The following CEP192 variants were observed in gnomAD, a reference collection of about 807,000 sequenced individuals.
CEP192 encodes centrosomal protein of 192 kDa.
CEP192 carries 151 observed loss-of-function variants against 271.8 expected under a neutral mutation model. The observed-to-expected ratio is 0.56, with a 90% CI of 0.49 to 0.64. The LOEUF is 0.64. Among genes scored for constraint, CEP192 ranks in the 30% least tolerant of loss-of-function variants. The pLI, the probability that CEP192 is intolerant of heterozygous loss-of-function variation, is 0.00. For synonymous variants in CEP192, 995 were observed against 1,076.5 expected, an observed-to-expected ratio of 0.92 and a Z score of 1.48; for missense variants, 2,910 against 3,020.5, an observed-to-expected ratio of 0.96 and a Z score of 0.86.
intron 44 of CEP192, among the ~76,000 whole-genome samples, chr18:13,121,382 G>T (rs2040650764): frequency 6.6e-6 from 1 of 152,182 alleles, no homozygotes; most frequent in Non-Finnish European, 1.5e-5. Flanking sequence ...GCCTGGTGGG[G>T]CTGCTCTCCG....
At chr18:13,025,615 T>C (rs1476909031) in intron 9 of CEP192, among the ~76,000 whole-genome samples, 1 of 152,240 alleles carries the variant, frequency 6.6e-6, no homozygotes, top group Non-Finnish European at 1.5e-5. Context: ...TAGTGGTTGC[T>C]CTAGAGTTTG....
intron 37 of CEP192, 60 bp from the exon 38 acceptor site, chr18:13,100,245 T>C: frequency 1.7e-6 from 2 of 1,146,838 alleles, no homozygotes; most frequent in Non-Finnish European, 2.6e-6. Flanking sequence ...AAAAATGGAA[T>C]TGTTTCGTTT....
chr18:13,086,506 G>T (rs962964259), intron 30 of CEP192, among the ~76,000 whole-genome samples: 2 of 152,174 alleles, frequency 1.3e-5, no homozygotes, highest in East Asian at 3.9e-4. Context: ...ACCCTCCATG[G>T]GCTGCATCCA....
rs771754454 is a variant in CEP192 at position 13,059,140 on chromosome 18, A to G, written c.4316A>G (p.His1439Arg). 4.0e-5 allele frequency: 64 copies of G among 1,613,776 alleles called. No individual in the cohort carries two copies. Among genetic ancestry groups the G allele is most frequent in the Non-Finnish European group, 5.3e-5 (63 of 1,179,762 alleles). ...VFKNKAIIRP[H>R]ATEEIKVLFI... The stretch of plus-strand genomic sequence containing the variant: ...AAGAATAAAGCCATCATAAGACCTC[A>G]TGCCACAGAAGAGATAAAAGTGCTT... The change falls in exon 21 of 45, where the codon CAT becomes CGT. Residue 1439 changes from histidine to arginine, a missense_variant. Coordinates refer to ENST00000506447, the MANE Select transcript of CEP192 (RefSeq NM_032142.4).
At chr18:13,032,188 G>A (rs917226099) in intron 11 of CEP192, among the ~76,000 whole-genome samples, 1 of 152,194 alleles carries the variant, frequency 6.6e-6, no homozygotes. Context: ...AGATGTCCCA[G>A]TGAAAATGAA....
intron 40 of CEP192, among the ~76,000 whole-genome samples, chr18:13,109,147 C>T (rs550559586): frequency 3.9e-5 from 6 of 152,230 alleles, no homozygotes; most frequent in East Asian, 1.9e-4. Flanking sequence ...ATCAATCCAC[C>T]GTTGATCACC....
In CEP192 at chr18:13,059,222, A is replaced by G. The variant is rs749230901; in HGVS notation, c.4398A>G (p.Pro1466=). 182 of 1,614,184 alleles carry G rather than the reference A, an allele frequency of 1.1e-4. No individual in the cohort carries two copies. The highest frequency in any genetic ancestry group is 4.9e-4 in the Middle Eastern group (3 of 6,062). Residue 1466 remains proline, a synonymous_variant, in exon 21 of 45, where the codon CCA becomes CCG. Transcript: ENST00000506447. ...GCACATTCAGTGTTGCTTCTTGGCCATGTTCGACAGATGCTGAGACCATCG... is the reference window on the plus strand; with the variant it reads ...GCACATTCAGTGTTGCTTCTTGGCCGTGTTCGACAGATGCTGAGACCATCG... ...FRCTFSVASW[P]CSTDAETIVQ... is the part of the protein sequence containing the mutation.
intron 4 of CEP192, 133 bp downstream of exon 4, chr18:13,008,764 C>T (rs570017282): frequency 1.7e-5 from 11 of 654,314 alleles, no homozygotes; most frequent in African/African-American, 1.3e-4. Context: ...AGTGCAGTGG[C>T]GTGATCACAG....
intron 21 of CEP192, 124 bp downstream of exon 21, chr18:13,059,436 G>A (rs1209631241): frequency 4.4e-6 from 3 of 687,494 alleles, no homozygotes; most frequent in Non-Finnish European, 7.4e-6. Flanking sequence ...GTTTCAAGCT[G>A]AACTTTGGTT....
At chr18:13,109,389 ACTG>A (rs1402056784) in intron 40 of CEP192, among the ~76,000 whole-genome samples, 3 of 152,204 alleles carry the variant, frequency 2.0e-5, no homozygotes, top group East Asian at 3.8e-4. Context: ...ACTGGGGACT[ACTG>A]GAAGTGGGAA....
Position 13,055,775 on chromosome 18 carries a change from C to A in CEP192, c.3190-5C>A. 1 of 1,535,050 alleles carries A rather than the reference C, an allele frequency of 6.5e-7. No individual in the cohort carries two copies. Among genetic ancestry groups the A allele is most frequent in the Non-Finnish European group, 8.7e-7 (1 of 1,144,404 alleles). ...ATTATTAAAAACAAATTTTGTTGCA[C>A]TCAGAGTGATATCACCAGCGAGTTG... On this transcript the variant is annotated splice_polypyrimidine_tract_variant and splice_region_variant and intron_variant, in intron 18 of 44. Transcript: ENST00000506447.
chr18:13,106,515 C>G (rs931054115), intron 40 of CEP192, among the ~76,000 whole-genome samples: 1 of 148,926 alleles, frequency 6.7e-6, no homozygotes, highest in African/African-American at 2.5e-5. Flanking sequence ...TTCCTACCAC[C>G]ACCACCACCA....
At chr18:13,118,007 A>T (rs897659848) in intron 44 of CEP192, among the ~76,000 whole-genome samples, 2 of 152,188 alleles carry the variant, frequency 1.3e-5, no homozygotes, top group African/African-American at 4.8e-5. Context: ...AAGGACTTAG[A>T]TTTTCATTAA....
At position 13,049,605 on chromosome 18, in the gene CEP192, G is replaced by A; in HGVS notation, c.2814G>A (p.Glu938=). The change falls in exon 16 of 45, where the codon GAG becomes GAA. Residue 938 remains glutamate, a synonymous_variant. Transcript: ENST00000506447. ...ACAGAGAAAATCAGAGGCAAAATGA[G>A]TGTGTCAGTGAAATAAGCAACAGTG... ...RDNRENQRQN[E]CVSEISNSEK... The A allele has an allele frequency of 1.9e-6, 3 of 1,613,984 alleles. No homozygotes were observed. Among genetic ancestry groups the A allele is most frequent in the Non-Finnish European group, 2.5e-6 (3 of 1,180,000 alleles).
chr18:13,103,723 C>T, intron 39 of CEP192, 135 bp downstream of exon 39: 1 of 761,252 alleles, frequency 1.3e-6, no homozygotes, highest in South Asian at 1.5e-5. Flanking sequence ...AAAAGTCTTG[C>T]TCTGTCGCCC....
chr18:13,019,236 A>G (rs2034841729), intron 9 of CEP192, 30 bp downstream of exon 9: 6 of 1,471,074 alleles, frequency 4.1e-6, no homozygotes, highest in Non-Finnish European at 5.4e-6. Context: ...TAGATTTCCT[A>G]TAAAAAAAGG....
chr18:13,076,806 C>T (rs2038310247), intron 30 of CEP192, among the ~76,000 whole-genome samples: 1 of 151,902 alleles, frequency 6.6e-6, no homozygotes, highest in Admixed American at 6.6e-5. Flanking sequence ...TATTTTGAGA[C>T]ATCATCTCAC....
intron 28 of CEP192, 82 bp downstream of exon 28, chr18:13,071,294 T>G (rs1027518017): frequency 7.9e-7 from 1 of 1,269,612 alleles, no homozygotes; most frequent in African/African-American, 1.5e-5. Flanking sequence ...CAGGAAAATT[T>G]TGTCATAATA....
At chr18:13,119,465 G>C (rs546487847) in intron 44 of CEP192, among the ~76,000 whole-genome samples, 61 of 152,258 alleles carry the variant, frequency 4.0e-4, no homozygotes, top group Non-Finnish European at 7.6e-4. Flanking sequence ...TTTTTAGGCT[G>C]GGTGTGGTGG....
Sources: gnomAD v4.1 joint callset for allele counts (sites outside exome capture counted in the v4.1 genomes callset) on GRCh38, gnomAD v4.1.1 for gene constraint, MANE v1.5 for transcripts, NCBI Gene and HGNC (gene_info 2026-07-23, HGNC 2026-07-21) for gene names.